CSNK2A2IP: variants seen among roughly 807,000 people sequenced by gnomAD.
CSNK2A2IP encodes casein kinase II subunit alpha'-interacting protein.
At chr3:88,361,555 C>A in the CSNK2A2IP span, among the ~76,000 whole-genome samples, 2 of 151,998 alleles carry the variant, frequency 1.3e-5, no homozygotes, top group Admixed American at 6.6e-5. Flanking sequence ...TTTTCTTTAT[C>A]TTTACCCTTT....
chr3:88,363,849 T>G, the CSNK2A2IP span, among the ~76,000 whole-genome samples: 3 of 152,146 alleles, frequency 2.0e-5, no homozygotes, highest in Non-Finnish European at 4.4e-5. Flanking sequence ...ATGTTCTGAG[T>G]CTGGCTGGTA....
the CSNK2A2IP span, among the ~76,000 whole-genome samples, chr3:88,372,843 A>G: frequency 6.6e-6 from 1 of 151,552 alleles, no homozygotes; most frequent in South Asian, 2.1e-4. Context: ...GGCTACAGTA[A>G]CATCACATTA....
At chr3:88,467,212 TCCTCCTCCACCA>T in the CSNK2A2IP span, 1 of 400,190 alleles carries the variant, frequency 2.5e-6, no homozygotes, top group Non-Finnish European at 4.4e-6. Flanking sequence ...CTCCACTTCC[TCCTCCTCCACCA>T]CCTCCTCCTC....
chr3:88,349,961 T>G, the CSNK2A2IP span, among the ~76,000 whole-genome samples: 1 of 152,104 alleles, frequency 6.6e-6, no homozygotes, highest in Non-Finnish European at 1.5e-5. Flanking sequence ...TAGTTCAAGT[T>G]TATTATACAA....
the CSNK2A2IP span, among the ~76,000 whole-genome samples, chr3:88,435,763 A>C: frequency 6.7e-6 from 1 of 149,112 alleles, no homozygotes; most frequent in Middle Eastern, 3.4e-3. Flanking sequence ...ACTTAGTATG[A>C]GTTTTCTCTT....
chr3:88,367,089 T>C, the CSNK2A2IP span, among the ~76,000 whole-genome samples: 1 of 152,082 alleles, frequency 6.6e-6, no homozygotes, highest in Non-Finnish European at 1.5e-5. Flanking sequence ...AAGATGAGAT[T>C]TGGGTGGGGA....
At chr3:88,357,097 C>A in the CSNK2A2IP span, among the ~76,000 whole-genome samples, 7 of 152,070 alleles carry the variant, frequency 4.6e-5, no homozygotes, top group East Asian at 5.8e-4. Context: ...CTTTGTTGTG[C>A]AAAATCTTTT....
At chr3:88,455,883 T>A in the CSNK2A2IP span, among the ~76,000 whole-genome samples, 2 of 145,186 alleles carry the variant, frequency 1.4e-5, no homozygotes, top group Non-Finnish European at 3.0e-5. Context: ...TTGTGTAAGG[T>A]CTAAGAGAAG....
the CSNK2A2IP span, among the ~76,000 whole-genome samples, chr3:88,403,681 C>T: frequency 6.6e-6 from 1 of 152,008 alleles, no homozygotes; most frequent in African/African-American, 2.4e-5. Context: ...ATTTTAGCAA[C>T]CTATGATAAA....
At chr3:88,378,929 C>T in the CSNK2A2IP span, among the ~76,000 whole-genome samples, 1 of 151,882 alleles carries the variant, frequency 6.6e-6, no homozygotes, top group East Asian at 1.9e-4. Context: ...TAATTTTTTT[C>T]AAGATAATAA....
the CSNK2A2IP span, among the ~76,000 whole-genome samples, chr3:88,387,459 G>A: frequency 6.6e-6 from 1 of 152,032 alleles, no homozygotes; most frequent in Non-Finnish European, 1.5e-5. Flanking sequence ...ATGAGCTACT[G>A]TGCCCGGCCA....
chr3:88,458,899 G>T, the CSNK2A2IP span, among the ~76,000 whole-genome samples: 2 of 152,262 alleles, frequency 1.3e-5, no homozygotes, highest in African/African-American at 2.4e-5. Context: ...GACACTTGTT[G>T]TATGGTTTAC....
At chr3:88,364,460 T>G in the CSNK2A2IP span, among the ~76,000 whole-genome samples, 1 of 151,952 alleles carries the variant, frequency 6.6e-6, no homozygotes, top group Non-Finnish European at 1.5e-5. Context: ...TAAAATAATG[T>G]GAGACAGGAG....
chr3:88,466,946 C>T, the CSNK2A2IP span: 6 of 1,231,444 alleles, frequency 4.9e-6, no homozygotes, highest in Non-Finnish European at 5.1e-6. Flanking sequence ...GAGACTTTCT[C>T]ATCTTGTCTC....
chr3:88,380,621 T>C, the CSNK2A2IP span, among the ~76,000 whole-genome samples: 1 of 152,056 alleles, frequency 6.6e-6, no homozygotes, highest in Non-Finnish European at 1.5e-5. Flanking sequence ...TAGCACTATT[T>C]AGACATTAAG....
chr3:88,352,169 TA>T, the CSNK2A2IP span, among the ~76,000 whole-genome samples: 2 of 152,190 alleles, frequency 1.3e-5, no homozygotes, highest in African/African-American at 4.8e-5. Flanking sequence ...TTTTAGTTTT[TA>T]CTAAATGTTT....
the CSNK2A2IP span, among the ~76,000 whole-genome samples, chr3:88,399,024 A>G: frequency 6.6e-6 from 1 of 152,182 alleles, no homozygotes; most frequent in Non-Finnish European, 1.5e-5. Context: ...AGATGCACAT[A>G]AGGAGGTCTG....
the CSNK2A2IP span, among the ~76,000 whole-genome samples, chr3:88,401,537 C>T: frequency 0.027 from 4,048 of 152,032 alleles, 148 homozygotes; most frequent in African/African-American, 0.074. Context: ...AAATTTAATT[C>T]GGAACAAGTT....
At chr3:88,349,420 A>T in the CSNK2A2IP span, among the ~76,000 whole-genome samples, 1 of 152,178 alleles carries the variant, frequency 6.6e-6, no homozygotes, top group Non-Finnish European at 1.5e-5. Flanking sequence ...TTCGCTTAGA[A>T]TAACGGCTTC....
Sources: allele counts gnomAD v4.1 joint callset (sites outside exome capture counted in the v4.1 genomes callset), GRCh38; gene constraint gnomAD v4.1.1; transcripts MANE v1.5; gene names NCBI Gene and HGNC (gene_info 2026-07-23, HGNC 2026-07-21).